The following PPIP5K2 variants were observed in gnomAD, a reference collection of about 807,000 sequenced individuals.
The protein encoded by PPIP5K2 is diphosphoinositol pentakisphosphate kinase 2, also known as inositol hexakisphosphate and diphosphoinositol-pentakisphosphate kinase 2.
A neutral mutation model predicts 154.6 loss-of-function variants in PPIP5K2; 105 were observed. That is an observed-to-expected ratio of 0.68 (90% CI 0.58 to 0.80). The LOEUF (loss-of-function observed/expected upper bound fraction) is 0.80. Ranked by LOEUF, PPIP5K2 falls within the 30% of genes least tolerant of loss-of-function variation. The probability of loss-of-function intolerance (pLI) is 0.00; values close to 1 mark genes in which losing one functional copy is unlikely to be tolerated. For synonymous variants in PPIP5K2, 480 were observed against 490.3 expected, an observed-to-expected ratio of 0.98 and a Z score of 0.28; for missense variants, 992 against 1,504.6, an observed-to-expected ratio of 0.66 and a Z score of 5.64.
intron 24 of PPIP5K2, among the ~76,000 whole-genome samples, chr5:103,180,995 A>G (rs1402476305): frequency 6.6e-6 from 1 of 152,150 alleles, no homozygotes; most frequent in Non-Finnish European, 1.5e-5. Context: ...TGATAATATA[A>G]TAAAAAATTT....
At chr5:103,180,792 G>C (rs1293332207) in intron 24 of PPIP5K2, among the ~76,000 whole-genome samples, 1 of 150,774 alleles carries the variant, frequency 6.6e-6, no homozygotes, top group Non-Finnish European at 1.5e-5. Flanking sequence ...AGAGCTTGCA[G>C]TGAGCTAAGA....
intron 8 of PPIP5K2, among the ~76,000 whole-genome samples, chr5:103,151,036 T>C (rs782599778): frequency 4.6e-5 from 7 of 151,950 alleles, no homozygotes; most frequent in Non-Finnish European, 5.9e-5. Flanking sequence ...TACTTTATGA[T>C]GAAAGACTTA....
At chr5:103,136,412 A>G (rs1791506083) in intron 3 of PPIP5K2, among the ~76,000 whole-genome samples, 1 of 152,220 alleles carries the variant, frequency 6.6e-6, no homozygotes, top group South Asian at 2.1e-4. Context: ...CATGTTATTT[A>G]CATATAGATT....
Position 103,159,314 on chromosome 5 carries a change from G to A in PPIP5K2, c.1906G>A (p.Glu636Lys). Residue 636 changes from glutamate to lysine, a missense_variant, in exon 17 of 31, where the codon GAA (glutamate) becomes AAA (lysine). Glu to Lys is a moderately conservative substitution (Grantham distance 56). Transcript: ENST00000358359. The part of the protein sequence containing the change: ...ILQKDRDFTA[E>K]DYEKLTPSGS... ...TCAGAAAGACAGAGATTTTACTGCTGAAGATTATGAAAAGGTGGGTCTTAG... is the reference window on the plus strand; with the variant it reads ...TCAGAAAGACAGAGATTTTACTGCTAAAGATTATGAAAAGGTGGGTCTTAG... 1 of 1,605,532 alleles carries A rather than the reference G, an allele frequency of 6.2e-7. No individual in the cohort carries two copies. The highest frequency in any genetic ancestry group is 8.5e-7 in the Non-Finnish European group (1 of 1,177,334).
intron 29 of PPIP5K2, among the ~76,000 whole-genome samples, chr5:103,191,518 G>A (rs1173149919): frequency 6.6e-6 from 1 of 152,138 alleles, no homozygotes; most frequent in East Asian, 1.9e-4. Flanking sequence ...GGTTAAATAA[G>A]TTTTAGAAAC....
At position 103,121,966 on chromosome 5, in the gene PPIP5K2, C is replaced by T. The variant is rs562711578; in HGVS notation, c.-285+1478C>T. 9.0e-4 allele frequency among the ~76,000 whole-genome samples: 137 copies of T among 152,218 alleles called. No homozygotes were observed. The Middle Eastern group carries it at 0.021, about 23-fold the overall frequency. On this transcript the variant is annotated intron_variant, in intron 1 of 30. Transcript: ENST00000358359. The stretch of plus-strand genomic sequence containing the variant: ...ATGTTATGGACTATTAATTTTCTCA[C>T]GTGGAAAAGGAATTGTGGTTATGTA...
chr5:103,182,275 A>G (rs782650353), intron 24 of PPIP5K2, among the ~76,000 whole-genome samples: 2 of 152,172 alleles, frequency 1.3e-5, no homozygotes, highest in Non-Finnish European at 2.9e-5. Flanking sequence ...TCATTTTGCA[A>G]CTCATCTATA....
intron 1 of PPIP5K2, among the ~76,000 whole-genome samples, chr5:103,121,528 AT>A (rs542260308): frequency 6.8e-4 from 103 of 152,312 alleles, no homozygotes; most frequent in Middle Eastern, 3.4e-3. Context: ...TTCTTCCTCG[AT>A]TTCAATTTCT....
intron 5 of PPIP5K2, among the ~76,000 whole-genome samples, chr5:103,143,508 A>G (rs1294658750): frequency 6.6e-6 from 1 of 152,234 alleles, no homozygotes; most frequent in Non-Finnish European, 1.5e-5. Context: ...AAGATAGGTC[A>G]GGAAGGAAGG....
chr5:103,173,104 G>T, intron 19 of PPIP5K2, 51 bp from the exon 20 acceptor site: 1 of 1,436,470 alleles, frequency 7.0e-7, no homozygotes. Flanking sequence ...TATTTTTTTA[G>T]AGTACTTTGT....
chr5:103,126,288 A>C (rs570496090), intron 1 of PPIP5K2, among the ~76,000 whole-genome samples: 1 of 152,180 alleles, frequency 6.6e-6, no homozygotes, highest in Non-Finnish European at 1.5e-5. Flanking sequence ...ACATATATCT[A>C]TATACTTCAT....
intron 30 of PPIP5K2, among the ~76,000 whole-genome samples, chr5:103,199,671 TGTTGATTTG>T (rs1162358778): frequency 2.6e-5 from 4 of 152,076 alleles, no homozygotes; most frequent in Non-Finnish European, 5.9e-5. Flanking sequence ...CATTGGTTGA[TGTTGATTTG>T]GTTGATTTGG....
At chr5:103,162,440 G>C (rs1796439839) in intron 17 of PPIP5K2, among the ~76,000 whole-genome samples, 1 of 150,380 alleles carries the variant, frequency 6.6e-6, no homozygotes, top group Non-Finnish European at 1.5e-5. Context: ...ATAGCTCACT[G>C]TGGCCTGAAA....
At chr5:103,199,959 G>T (rs187393340) in intron 30 of PPIP5K2, among the ~76,000 whole-genome samples, 6 of 152,112 alleles carry the variant, frequency 3.9e-5, no homozygotes, top group African/African-American at 1.4e-4. Context: ...TTCTCAGCAG[G>T]AAAGATGTTT....
At position 103,168,205 on chromosome 5, in the gene PPIP5K2, T is replaced by C. The variant is rs1562457953; in HGVS notation, c.2196T>C (p.Tyr732=). ...KIPDIYDCIK[Y]DVQHNGSLKL... ...CTGACATATATGACTGTATAAAATATGATGTCCAGCATAATGGTTCCTTGA... is the reference window on the plus strand; with the variant it reads ...CTGACATATATGACTGTATAAAATACGATGTCCAGCATAATGGTTCCTTGA... The change falls in exon 19 of 31, where the codon TAT becomes TAC. Residue 732 remains tyrosine (Y), a synonymous_variant. Coordinates refer to ENST00000358359, the MANE Select transcript of PPIP5K2 (RefSeq NM_001276277.3). 1.9e-6 allele frequency: 3 copies of C among 1,609,424 alleles called. No homozygotes were observed. Among genetic ancestry groups the C allele is most frequent in the African/African-American group, 1.3e-5 (1 of 74,828 alleles).
intron 5 of PPIP5K2, among the ~76,000 whole-genome samples, chr5:103,140,820 G>A (rs1462473304): frequency 4.9e-5 from 6 of 121,946 alleles, no homozygotes. Flanking sequence ...CTGGGCGACA[G>A]AACGAGACTC....
intron 23 of PPIP5K2, among the ~76,000 whole-genome samples, chr5:103,179,272 A>G (rs1408117035): frequency 9.2e-5 from 14 of 151,864 alleles, no homozygotes; most frequent in Non-Finnish European, 1.9e-4. Flanking sequence ...CTTTTGGCCA[A>G]TATTATGTTT....
chr5:103,183,080 G>T (rs1033599935), intron 24 of PPIP5K2, among the ~76,000 whole-genome samples, 154 bp from the exon 25 acceptor site: 2 of 146,172 alleles, frequency 1.4e-5, no homozygotes, highest in Non-Finnish European at 3.0e-5. Flanking sequence ...GCTGTGTAAT[G>T]GTTTTTTAAA....
At chr5:103,164,678 A>G (rs782594690) in intron 17 of PPIP5K2, among the ~76,000 whole-genome samples, 4 of 152,058 alleles carry the variant, frequency 2.6e-5, no homozygotes, top group Admixed American at 6.6e-5. Flanking sequence ...TAAAGCATAC[A>G]TATAGATATT....
Sources: gnomAD v4.1 joint callset for allele counts (sites outside exome capture counted in the v4.1 genomes callset) on GRCh38, gnomAD v4.1.1 for gene constraint, MANE v1.5 for transcripts, NCBI Gene and HGNC (gene_info 2026-07-23, HGNC 2026-07-21) for gene names.